The following PDE2A variants were observed in gnomAD, a reference collection of about 807,000 sequenced individuals.
PDE2A encodes the protein cGMP-dependent 3',5'-cyclic phosphodiesterase.
In PDE2A, 53 loss-of-function variants were observed where a neutral mutation model predicts 133.6. The observed-to-expected ratio is 0.40, with a 90% CI of 0.32 to 0.50. PDE2A has a LOEUF of 0.50. Among genes scored for constraint, PDE2A ranks in the 20% least tolerant of loss-of-function variants. The probability of loss-of-function intolerance (pLI) is 0.73; values close to 1 mark genes in which losing one functional copy is unlikely to be tolerated. For missense variants in PDE2A, 796 were observed against 1,232.4 expected (o/e 0.65, Z 5.30); for synonymous variants, 491 against 490.2 (o/e 1.00, Z -0.02).
chr11:72,594,801 C>G (rs552871811), intron 6 of PDE2A, among the ~76,000 whole-genome samples: 1 of 152,346 alleles, frequency 6.6e-6, no homozygotes, highest in African/African-American at 2.4e-5. Flanking sequence ...AGGCCCCACA[C>G]AAATGCTTTC....
At chr11:72,585,151 G>C in intron 16 of PDE2A, 1 of 639,664 alleles carries the variant, frequency 1.6e-6, no homozygotes, top group East Asian at 2.7e-5. Context: ...CTATGTGCCA[G>C]GCACTGTGAT....
At chr11:72,579,884 A>G (rs1591009966) in intron 25 of PDE2A, 3 of 441,204 alleles carry the variant, frequency 6.8e-6, no homozygotes, top group Admixed American at 7.4e-5. Flanking sequence ...GAAAGCTGGA[A>G]CATTTTTGAA....
chr11:72,667,003 G>A (rs1359364639), intron 1 of PDE2A, among the ~76,000 whole-genome samples: 1 of 152,204 alleles, frequency 6.6e-6, no homozygotes, highest in Non-Finnish European at 1.5e-5. Context: ...CTACTCAGGA[G>A]GCTGAGGCAG....
intron 2 of PDE2A, among the ~76,000 whole-genome samples, chr11:72,638,590 C>T (rs2135431040): frequency 6.6e-6 from 1 of 152,324 alleles, no homozygotes; most frequent in South Asian, 2.1e-4. Context: ...CTCCATGAGG[C>T]CAGTTTGGCC....
intron 1 of PDE2A, among the ~76,000 whole-genome samples, chr11:72,671,990 A>G (rs1181382260): frequency 2.0e-5 from 3 of 152,008 alleles, no homozygotes; most frequent in Non-Finnish European, 4.4e-5. Context: ...TCCAAGCCTG[A>G]GCCACCTAGA....
chr11:72,596,872 C>A (rs1273005989), intron 5 of PDE2A, among the ~76,000 whole-genome samples: 1 of 152,124 alleles, frequency 6.6e-6, no homozygotes, highest in East Asian at 1.9e-4. Context: ...TCACTCACAA[C>A]CTTCTTGTGA....
At chr11:72,658,688 G>A (rs1166567857) in intron 1 of PDE2A, among the ~76,000 whole-genome samples, 3 of 152,138 alleles carry the variant, frequency 2.0e-5, no homozygotes, top group Admixed American at 1.3e-4. Flanking sequence ...TTTTTTTGGA[G>A]CAGGAGAATG....
chr11:72,585,494 C>T (rs1420446964), intron 15 of PDE2A, 60 bp from the exon 16 acceptor site: 12 of 1,611,674 alleles, frequency 7.4e-6, no homozygotes, highest in Non-Finnish European at 1.0e-5. Flanking sequence ...CCCGCCTCTC[C>T]TCTGCAAATG....
rs531133209 is a variant in PDE2A, at chr11:72,674,193, G to A, written c.15C>T (p.Cys5=). Reference sequence around the variant, plus strand: ...GGCTCCTGCAGAGGATGGAGTGGCCGCATGCCTGCCCCATCACTCCTCATC... The same window carrying A: ...GGCTCCTGCAGAGGATGGAGTGGCCACATGCCTGCCCCATCACTCCTCATC... MGQA[C]GHSILCRSQQ... is the part of the protein sequence containing the mutation. The change falls in exon 1 of 31, where the codon TGC becomes TGT. Residue 5 remains cysteine (C), a synonymous_variant. Coordinates refer to ENST00000334456, the MANE Select transcript of PDE2A (RefSeq NM_002599.5). 2.7e-5 allele frequency: 44 copies of A among 1,610,686 alleles called. No individual in the cohort carries two copies. The African/African-American group carries it at 2.8e-4, about 10-fold the overall frequency.
intron 20 of PDE2A, 101 bp downstream of exon 20, chr11:72,583,337 C>G (rs761508225): frequency 2.4e-5 from 20 of 848,390 alleles, no homozygotes; most frequent in Non-Finnish European, 3.4e-5. Context: ...TGGCTCTGGG[C>G]CTATCCTCTC....
intron 24 of PDE2A, 44 bp from the exon 25 acceptor site, chr11:72,580,668 TC>T: frequency 6.8e-7 from 1 of 1,460,676 alleles, no homozygotes; most frequent in Non-Finnish European, 9.4e-7. Flanking sequence ...CACATCCGGA[TC>T]CAAGTGCCAC....
At position 72,596,715 on chromosome 11, in the gene PDE2A, C is replaced by A. The variant is rs1311893397; in HGVS notation, c.434-67G>T. On this transcript the variant is annotated intron_variant, in intron 5 of 30. Transcript: ENST00000334456. The stretch of plus-strand genomic sequence containing the variant: ...GAGGCTCAGAGATACCGAGCCGGGA[C>A]CCAGGTGGGGGAGACAAAGATGCAG... The A allele has an allele frequency of 7.6e-6, 8 of 1,057,890 alleles. No individual in the cohort carries two copies. The Admixed American group carries it at 1.8e-4, about 24-fold the overall frequency. The allele number at this position is 1,057,890 out of a possible 1,614,324, so 65.5% of individuals were successfully genotyped here.
intron 1 of PDE2A, among the ~76,000 whole-genome samples, chr11:72,672,029 G>T (rs972955175): frequency 7.9e-5 from 12 of 151,938 alleles, no homozygotes; most frequent in Non-Finnish European, 1.2e-4. Context: ...CATCTATCCA[G>T]CCTTTCCCAA....
At chr11:72,661,220 G>A (rs529280774) in intron 1 of PDE2A, among the ~76,000 whole-genome samples, 145 of 152,224 alleles carry the variant, frequency 9.5e-4, no homozygotes, top group African/African-American at 3.5e-3. Context: ...AAGGAGAATC[G>A]CCTGAACCTG....
At chr11:72,584,830 C>G (rs1326900782) in intron 17 of PDE2A, 42 bp downstream of exon 17, 2 of 1,610,818 alleles carry the variant, frequency 1.2e-6, no homozygotes, top group South Asian at 1.1e-5. Flanking sequence ...GGCGGACTCC[C>G]GGACACCCCT....
Position 72,597,538 on chromosome 11 carries a change from C to G in PDE2A, c.405G>C (p.Leu135=), listed in dbSNP as rs777154508. Reference sequence around the variant, plus strand: ...GGGTATCAGGAGCCAGTGGAGCCACCAGCCTGGCCAAGGGCTTCCCTGGCA... The same window carrying G: ...GGGTATCAGGAGCCAGTGGAGCCACGAGCCTGGCCAAGGGCTTCCCTGGCA... The part of the protein sequence containing the change: ...SDLPGKPLAR[L]VAPLAPDTQV... Residue 135 remains leucine (L), a synonymous_variant, in exon 5 of 31, where the codon CTG becomes CTC. Transcript: ENST00000334456. The surrounding 1 kb of genome is among the most constrained non-coding windows in gnomAD (Gnocchi z 4.6). 24 of 1,609,670 alleles carry G rather than the reference C, an allele frequency of 1.5e-5. 1 individual carries two copies. In the East Asian group the frequency reaches 4.9e-4, roughly 33 times the overall value.
intron 2 of PDE2A, among the ~76,000 whole-genome samples, chr11:72,623,148 C>G (rs1857864418): frequency 6.6e-6 from 1 of 152,156 alleles, no homozygotes; most frequent in African/African-American, 2.4e-5. Context: ...CTACACAGGC[C>G]AGTCTGACTT....
At chr11:72,627,713 C>T (rs982597445) in intron 2 of PDE2A, among the ~76,000 whole-genome samples, 1 of 152,210 alleles carries the variant, frequency 6.6e-6, no homozygotes, top group Non-Finnish European at 1.5e-5. Flanking sequence ...CATTTCAGTA[C>T]TTATTGTGGA....
In PDE2A at chr11:72,578,356, G is replaced by A. The variant is rs775009475; in HGVS notation, c.2509-17C>T. 22 of 1,590,772 alleles carry A rather than the reference G, an allele frequency of 1.4e-5. No individual in the cohort carries two copies. The highest frequency in any genetic ancestry group is 6.7e-5 in the Admixed American group (4 of 59,986). ...GGCCTTCTCCTGCAGGCATCGAGTC[G>A]TCAGGCCTGTCCCTCTCATTCCTCC... is the stretch of plus-strand genomic sequence containing the variant. On this transcript the variant is annotated splice_polypyrimidine_tract_variant and intron_variant, in intron 29 of 30. Coordinates refer to ENST00000334456, the MANE Select transcript of PDE2A (RefSeq NM_002599.5). This position sits in a 1 kb window ranked among gnomAD's most constrained non-coding sequence, Gnocchi z 4.2.
Sources: gnomAD v4.1 joint callset for allele counts (sites outside exome capture counted in the v4.1 genomes callset) on GRCh38, gnomAD v4.1.1 for gene constraint, Gnocchi (gnomAD v3.1) non-coding constraint, MANE v1.5 for transcripts, NCBI Gene and HGNC (gene_info 2026-07-23, HGNC 2026-07-21) for gene names.